The following CLDN10 variants were observed in gnomAD, a reference collection of about 807,000 sequenced individuals.
CLDN10 encodes the protein claudin-10.
A neutral mutation model predicts 22.9 loss-of-function variants in CLDN10; 15 were observed. The observed-to-expected ratio is 0.65, with a 90% CI of 0.44 to 1.01. The LOEUF is 1.01. Ranked by LOEUF, CLDN10 falls within the 50% of genes least tolerant of loss-of-function variation. CLDN10 has a pLI of 0.00. For missense variants in CLDN10, 247 were observed against 287.8 expected, an observed-to-expected ratio of 0.86 and a Z score of 1.03; for synonymous variants, 114 against 111.4, an observed-to-expected ratio of 1.02 and a Z score of -0.15.
upstream of CLDN10, among the ~76,000 whole-genome samples, chr13:95,551,387 G>T (rs1030918771): frequency 6.6e-6 from 1 of 152,204 alleles, no homozygotes; most frequent in African/African-American, 2.4e-5. Context: ...AAATAGACAG[G>T]AACATTGTTT....
intron 1 of CLDN10, among the ~76,000 whole-genome samples, chr13:95,480,647 C>A (rs528745756): frequency 7.2e-5 from 11 of 152,294 alleles, no homozygotes; most frequent in South Asian, 2.1e-4. Flanking sequence ...GAATGCAGAT[C>A]CCTTGGCTCC....
intron 1 of CLDN10, among the ~76,000 whole-genome samples, chr13:95,461,672 C>T (rs567604809): frequency 1.1e-3 from 169 of 152,298 alleles, no homozygotes; most frequent in Non-Finnish European, 1.6e-3. Flanking sequence ...AAAACAACTT[C>T]AGCTTCCTCA....
At chr13:95,469,861 T>G (rs1011546283) in intron 1 of CLDN10, among the ~76,000 whole-genome samples, 1 of 152,190 alleles carries the variant, frequency 6.6e-6, no homozygotes, top group African/African-American at 2.4e-5. Context: ...TTTTAATTTT[T>G]TACTTGCCCA....
At chr13:95,488,912 T>C (rs1343571942) in intron 1 of CLDN10, among the ~76,000 whole-genome samples, 1 of 151,336 alleles carries the variant, frequency 6.6e-6, no homozygotes, top group Non-Finnish European at 1.5e-5. Context: ...TACCCAGTAG[T>C]GGGATTGCTG....
At chr13:95,482,020 A>G (rs2042753171) in intron 1 of CLDN10, among the ~76,000 whole-genome samples, 3 of 152,228 alleles carry the variant, frequency 2.0e-5, no homozygotes, top group African/African-American at 7.2e-5. Flanking sequence ...CTCTGACTCA[A>G]AAAAGTAAAA....
chr13:95,460,655 G>A (rs936052931), intron 1 of CLDN10, among the ~76,000 whole-genome samples: 1 of 151,996 alleles, frequency 6.6e-6, no homozygotes, highest in African/African-American at 2.4e-5. Flanking sequence ...AGGATTATGG[G>A]GATTACAATT....
chr13:95,572,185 C>T (rs1809860211), intron 3 of CLDN10, among the ~76,000 whole-genome samples: 1 of 152,112 alleles, frequency 6.6e-6, no homozygotes, highest in South Asian at 2.1e-4. Flanking sequence ...AAATCCTGTG[C>T]CCTGAAGCTC....
chr13:95,472,750 C>T (rs907049102), intron 1 of CLDN10, among the ~76,000 whole-genome samples: 4 of 151,736 alleles, frequency 2.6e-5, no homozygotes, highest in Non-Finnish European at 4.4e-5. Flanking sequence ...AGCTGATTCC[C>T]GTAGCAAAAT....
intron 1 of CLDN10, among the ~76,000 whole-genome samples, chr13:95,502,397 C>A (rs1361414219): frequency 6.6e-6 from 1 of 152,214 alleles, no homozygotes; most frequent in Non-Finnish European, 1.5e-5. Flanking sequence ...GTTGTACAAA[C>A]CTGTGAATCA....
intron 1 of CLDN10, among the ~76,000 whole-genome samples, chr13:95,460,253 C>T (rs2042522462): frequency 6.6e-6 from 1 of 152,192 alleles, no homozygotes; most frequent in Non-Finnish European, 1.5e-5. Context: ...ACCTTCCAAA[C>T]TCTTCCAACC....
chr13:95,490,918 GT>G (rs1241727674), intron 1 of CLDN10, among the ~76,000 whole-genome samples: 1 of 152,136 alleles, frequency 6.6e-6, no homozygotes, highest in African/African-American at 2.4e-5. Context: ...AATAGTAATT[GT>G]TTTATAAATT....
At chr13:95,568,849 G>C (rs1000600) in intron 3 of CLDN10, among the ~76,000 whole-genome samples, 33,506 of 151,996 alleles carry the variant, frequency 0.22, 4,016 homozygotes, top group Admixed American at 0.33. Context: ...TAAAGGAACA[G>C]GGAGAGGCAG....
intron 1 of CLDN10, among the ~76,000 whole-genome samples, chr13:95,514,803 A>C (rs995249860): frequency 6.6e-6 from 1 of 152,146 alleles, no homozygotes; most frequent in African/African-American, 2.4e-5. Flanking sequence ...TTGCTTTATA[A>C]GTTAAGAGGC....
At chr13:95,489,907 G>A (rs1214068394) in intron 1 of CLDN10, among the ~76,000 whole-genome samples, 1 of 152,196 alleles carries the variant, frequency 6.6e-6, no homozygotes, top group Non-Finnish European at 1.5e-5. Flanking sequence ...GGTGAGAGAT[G>A]AGGATCCAGT....
At chr13:95,475,520 GC>G in intron 1 of CLDN10, among the ~76,000 whole-genome samples, 1 of 152,322 alleles carries the variant, frequency 6.6e-6, no homozygotes, top group East Asian at 1.9e-4. Flanking sequence ...CTGAGCACTG[GC>G]CACCAGTGGG....
intron 1 of CLDN10, among the ~76,000 whole-genome samples, chr13:95,473,998 C>T (rs745908516): frequency 1.2e-4 from 18 of 152,190 alleles, no homozygotes; most frequent in Non-Finnish European, 2.1e-4. Flanking sequence ...AGTTTTTCCA[C>T]GGACGGGGGT....
chr13:95,546,924 C>T (rs931833272), intron 1 of CLDN10, among the ~76,000 whole-genome samples: 2 of 152,102 alleles, frequency 1.3e-5, no homozygotes, highest in Non-Finnish European at 2.9e-5. Flanking sequence ...GTTCCCCTTA[C>T]TCTCTCTGCC....
At chr13:95,515,221 CAG>C (rs1378578155) in intron 1 of CLDN10, among the ~76,000 whole-genome samples, 2 of 151,992 alleles carry the variant, frequency 1.3e-5, no homozygotes, top group Non-Finnish European at 2.9e-5. Flanking sequence ...TTTTTTGAGA[CAG>C]AGTCTCATTC....
At chr13:95,471,370 GTGTA>G (rs1401246666) in intron 1 of CLDN10, among the ~76,000 whole-genome samples, 7 of 147,264 alleles carry the variant, frequency 4.8e-5, no homozygotes, top group African/African-American at 1.7e-4. Context: ...GTGTGTGTGT[GTGTA>G]TATATATAAC....
Sources: allele counts gnomAD v4.1 joint callset (sites outside exome capture counted in the v4.1 genomes callset), GRCh38; gene constraint gnomAD v4.1.1; transcripts MANE v1.5; gene names NCBI Gene and HGNC (gene_info 2026-07-23, HGNC 2026-07-21).